The following SLC25A48 variants were observed in gnomAD, a reference collection of about 807,000 sequenced individuals.
SLC25A48 encodes the protein solute carrier family 25 member 48, also known as CTC-321K16.1.
SLC25A48 carries 29 observed loss-of-function variants against 32.2 expected under a neutral mutation model. The observed-to-expected ratio is 0.90, with a 90% confidence interval of 0.67 to 1.23. The LOEUF is 1.23. Among genes scored for constraint, SLC25A48 ranks in the 50% most tolerant of loss-of-function variants. The pLI is 0.00. For synonymous variants in SLC25A48, 164 were observed against 172.3 expected, an observed-to-expected ratio of 0.95 and a Z score of 0.38; for missense variants, 399 against 422.7, an observed-to-expected ratio of 0.94 and a Z score of 0.49.
chr5:135,793,008 G>T (rs901788759), intron 3 of SLC25A48, among the ~76,000 whole-genome samples: 1 of 148,424 alleles, frequency 6.7e-6, no homozygotes, highest in African/African-American at 2.5e-5. Context: ...ATCCTGGGGA[G>T]ATATTATTCC....
At chr5:135,793,625 G>A (rs1365516647) in intron 3 of SLC25A48, among the ~76,000 whole-genome samples, 2 of 151,590 alleles carry the variant, frequency 1.3e-5, no homozygotes, top group African/African-American at 4.8e-5. Context: ...AACATTTTGG[G>A]GAGATATTAC....
chr5:135,609,020 A>G (rs569704531), intron 1 of SLC25A48, among the ~76,000 whole-genome samples: 22 of 152,330 alleles, frequency 1.4e-4, no homozygotes, highest in Admixed American at 6.5e-4. Flanking sequence ...CTGAGCTTCA[A>G]TTGGCATGAC....
At chr5:135,694,412 C>T (rs1754219977) in intron 3 of SLC25A48, among the ~76,000 whole-genome samples, 1 of 152,072 alleles carries the variant, frequency 6.6e-6, no homozygotes, top group Non-Finnish European at 1.5e-5. Flanking sequence ...AATATCTAAG[C>T]ATCCTTTATA....
chr5:135,646,752 A>G (rs1752974029), intron 3 of SLC25A48, among the ~76,000 whole-genome samples: 1 of 149,608 alleles, frequency 6.7e-6, no homozygotes, highest in South Asian at 2.1e-4. Context: ...TCTCACTGAA[A>G]AGTGGAATCT....
chr5:135,622,478 C>T (rs1392598831), intron 1 of SLC25A48, among the ~76,000 whole-genome samples: 1 of 152,142 alleles, frequency 6.6e-6, no homozygotes, highest in African/African-American at 2.4e-5. Context: ...ATGATGAATA[C>T]TCTGTGGTCA....
chr5:135,834,262 A>G (rs1450242828), upstream of SLC25A48, among the ~76,000 whole-genome samples: 2 of 152,210 alleles, frequency 1.3e-5, no homozygotes, highest in Admixed American at 1.3e-4. Flanking sequence ...AGAGAGCTGT[A>G]GCTGAAAGTT....
At chr5:135,583,484 G>A (rs568302460) in intron 1 of SLC25A48, among the ~76,000 whole-genome samples, 26 of 152,066 alleles carry the variant, frequency 1.7e-4, no homozygotes, top group Non-Finnish European at 2.6e-4. Flanking sequence ...CTTTTCAGAA[G>A]AGGAGTCCTT....
At chr5:135,656,546 A>G (rs944273319) in intron 3 of SLC25A48, among the ~76,000 whole-genome samples, 10 of 152,064 alleles carry the variant, frequency 6.6e-5, no homozygotes, top group African/African-American at 2.4e-4. Flanking sequence ...CCTCTCTGTT[A>G]TGGGTGGTAT....
chr5:135,614,490 C>T (rs1752143131), intron 1 of SLC25A48, among the ~76,000 whole-genome samples: 1 of 152,036 alleles, frequency 6.6e-6, no homozygotes, highest in South Asian at 2.1e-4. Context: ...CTTGTCCTTC[C>T]CCCAATTCAG....
rs563090924 is a variant in SLC25A48 at position 135,657,471 on chromosome 5, T to C, written c.-521+22515T>C. 2.3e-3 allele frequency among the ~76,000 whole-genome samples: 354 copies of C among 152,342 alleles called. 3 individuals are homozygous for C. The highest frequency in any genetic ancestry group is 8.1e-3 in the African/African-American group (338 of 41,576). ...CATAACCACGACATGAGCTATGGAA[T>C]AAAGGAAACCAACAGTTATCCCTTG... On this transcript the variant is annotated intron_variant, in intron 3 of 10. Coordinates refer to the SLC25A48 transcript ENST00000646290.
intron 1 of SLC25A48, among the ~76,000 whole-genome samples, chr5:135,593,593 G>T (rs953627935): frequency 6.6e-6 from 1 of 152,204 alleles, no homozygotes; most frequent in Admixed American, 6.5e-5. Context: ...CTCCCAGGAG[G>T]CAGATGGAGG....
At chr5:135,656,409 C>CTGGGTCA (rs1207514614) in intron 3 of SLC25A48, among the ~76,000 whole-genome samples, 1 of 152,164 alleles carries the variant, frequency 6.6e-6, no homozygotes, top group Non-Finnish European at 1.5e-5. Context: ...GCTGAGATCC[C>CTGGGTCA]TGGGTCCTGG....
intron 2 of SLC25A48, among the ~76,000 whole-genome samples, chr5:135,846,986 G>A (rs1561528659): frequency 6.6e-6 from 1 of 152,162 alleles, no homozygotes; most frequent in Non-Finnish European, 1.5e-5. Context: ...TACAATATGA[G>A]CAGGTTTGCA....
chr5:135,774,515 C>A (rs767242692), intron 3 of SLC25A48, among the ~76,000 whole-genome samples: 4 of 151,540 alleles, frequency 2.6e-5, no homozygotes, highest in African/African-American at 2.4e-5. Context: ...ATGCACATGC[C>A]CCCTGTGATA....
intron 3 of SLC25A48, among the ~76,000 whole-genome samples, chr5:135,851,459 G>A (rs1465525112): frequency 2.0e-5 from 3 of 152,192 alleles, no homozygotes. Context: ...CTGGGGTTTT[G>A]GTGGGGACTG....
At chr5:135,836,976 CCCCCCCACA>C (rs1758576472) in intron 1 of SLC25A48, among the ~76,000 whole-genome samples, 2 of 22,232 alleles carry the variant, frequency 9.0e-5, no homozygotes, top group Non-Finnish European at 5.0e-4. Flanking sequence ...CCCCACCCCC[CCCCCCCACA>C]CACACACACA....
intron 3 of SLC25A48, among the ~76,000 whole-genome samples, chr5:135,795,850 G>A (rs10069444): frequency 0.66 from 96,763 of 147,528 alleles, 33,650 homozygotes; most frequent in Non-Finnish European, 0.78. Flanking sequence ...TCCCCATATC[G>A]CTGGAGTTGT....
chr5:135,792,232 A>C (rs1757049609), intron 3 of SLC25A48, among the ~76,000 whole-genome samples: 1 of 151,788 alleles, frequency 6.6e-6, no homozygotes, highest in African/African-American at 2.4e-5. Context: ...GGTGATTTTA[A>C]CTTTAATATC....
chr5:135,674,336 G>A (rs1287457653), intron 3 of SLC25A48, among the ~76,000 whole-genome samples: 1 of 151,844 alleles, frequency 6.6e-6, no homozygotes, highest in Non-Finnish European at 1.5e-5. Context: ...GTTAACTATA[G>A]TTACCTTACT....
Sources: gnomAD v4.1 joint callset for allele counts (sites outside exome capture counted in the v4.1 genomes callset) on GRCh38, gnomAD v4.1.1 for gene constraint, MANE v1.5 for transcripts, NCBI Gene and HGNC (gene_info 2026-07-23, HGNC 2026-07-21) for gene names.